PRICKLE2: variants seen among roughly 807,000 people sequenced by gnomAD.
PRICKLE2 encodes the protein prickle-like protein 2.
A neutral mutation model predicts 81.4 loss-of-function variants in PRICKLE2; 21 were observed. The ratio of observed to expected loss-of-function variants is 0.26; its 90% confidence interval spans 0.18 to 0.37. PRICKLE2 has a LOEUF of 0.37. PRICKLE2 is among the 10% of genes least tolerant of loss of function. PRICKLE2 has a pLI of 1.00. For missense variants in PRICKLE2, 940 were observed against 1,109.0 expected (o/e 0.85, Z 2.16); for synonymous variants, 456 against 421.5 (o/e 1.08, Z -1.00).
At chr3:64,217,237 GC>G (rs2078886362) in intron 1 of PRICKLE2, among the ~76,000 whole-genome samples, 2 of 152,112 alleles carry the variant, frequency 1.3e-5, no homozygotes, top group Non-Finnish European at 2.9e-5. Flanking sequence ...AGGGACAGGA[GC>G]CCTAAGGTAT....
chr3:64,190,686 T>C (rs940625663), intron 2 of PRICKLE2, among the ~76,000 whole-genome samples: 1 of 152,228 alleles, frequency 6.6e-6, no homozygotes, highest in Non-Finnish European at 1.5e-5. Context: ...AGTGGAATGC[T>C]GCCAAGAAGC....
intron 7 of PRICKLE2, among the ~76,000 whole-genome samples, chr3:64,121,225 C>T (rs577965454): frequency 4.2e-4 from 64 of 152,290 alleles, no homozygotes; most frequent in African/African-American, 1.5e-3. Flanking sequence ...GGAAGCCTTT[C>T]CAAACTATCC....
At chr3:64,165,077 G>A (rs1437973847) in intron 2 of PRICKLE2, among the ~76,000 whole-genome samples, 3 of 152,144 alleles carry the variant, frequency 2.0e-5, no homozygotes, top group Non-Finnish European at 2.9e-5. Flanking sequence ...GAACATTAGG[G>A]ACAATTGCTA....
chr3:64,181,444 T>C (rs1357516156), intron 2 of PRICKLE2, among the ~76,000 whole-genome samples: 1 of 152,204 alleles, frequency 6.6e-6, no homozygotes, highest in Non-Finnish European at 1.5e-5. Context: ...GTTAGGTGGT[T>C]AGCCAACAAC....
chr3:64,220,417 C>T (rs2078933500), intron 1 of PRICKLE2, among the ~76,000 whole-genome samples: 1 of 152,216 alleles, frequency 6.6e-6, no homozygotes, highest in Non-Finnish European at 1.5e-5. Flanking sequence ...CCACCTATCA[C>T]TCGAGGCAGG....
rs933209597 is a variant in PRICKLE2 at position 64,239,164 on chromosome 3, G to A, written c.129-40197C>T. On this transcript the variant is annotated intron_variant, in intron 2 of 8. Transcript: ENST00000295902. ...TCACAGCCGGCTCCACACACCACAG[G>A]GCGAGGTAGCAGCCTCTGACTCATC... Among the ~76,000 whole-genome samples, 11 of 152,164 alleles carry A rather than the reference G, an allele frequency of 7.2e-5. No homozygotes were observed. The South Asian group carries it at 8.3e-4, about 11-fold the overall frequency.
intron 2 of PRICKLE2, among the ~76,000 whole-genome samples, chr3:64,251,391 C>T (rs1397261493): frequency 2.0e-5 from 3 of 152,196 alleles, no homozygotes; most frequent in South Asian, 2.1e-4. Context: ...ATGTCCTCTC[C>T]CACTCCCCCA....
At chr3:64,113,628 C>G (rs909136102) in intron 7 of PRICKLE2, among the ~76,000 whole-genome samples, 6 of 152,192 alleles carry the variant, frequency 3.9e-5, no homozygotes, top group African/African-American at 1.4e-4. Flanking sequence ...GCCCTGCCAG[C>G]ACACTGGAGT....
chr3:64,146,720 G>A (rs2077460155), intron 7 of PRICKLE2, 110 bp downstream of exon 7: 2 of 1,241,008 alleles, frequency 1.6e-6, no homozygotes, highest in East Asian at 2.3e-5. Flanking sequence ...TCCAGCCTGG[G>A]GGACAGAGCG....
At chr3:64,238,787 G>C (rs9311885) in intron 2 of PRICKLE2, among the ~76,000 whole-genome samples, 1,540 of 152,286 alleles carry the variant, frequency 0.01, 21 homozygotes, top group African/African-American at 0.035. Context: ...ATGAGGTAAT[G>C]CAGGTAAAAT....
At chr3:64,159,125 C>T (rs879913265) in intron 4 of PRICKLE2, among the ~76,000 whole-genome samples, 5 of 152,158 alleles carry the variant, frequency 3.3e-5, no homozygotes, top group Admixed American at 1.3e-4. Context: ...TCAACAGGAG[C>T]AGAGGAGACA....
At chr3:64,239,946 C>G (rs573855087) in intron 2 of PRICKLE2, among the ~76,000 whole-genome samples, 2 of 119,420 alleles carry the variant, frequency 1.7e-5, no homozygotes, top group Admixed American at 9.0e-5. Flanking sequence ...AAAACCCCAT[C>G]GCTACCAAAA....
chr3:64,142,619 A>G (rs1050233927), intron 7 of PRICKLE2, among the ~76,000 whole-genome samples: 2 of 152,146 alleles, frequency 1.3e-5, no homozygotes, highest in African/African-American at 4.8e-5. Context: ...CCCATGCAGG[A>G]GTATTTTCAA....
At chr3:64,114,111 C>T (rs961930595) in intron 7 of PRICKLE2, among the ~76,000 whole-genome samples, 3 of 151,980 alleles carry the variant, frequency 2.0e-5, no homozygotes, top group African/African-American at 7.3e-5. Context: ...TGGGTGTTGG[C>T]CCCCTAAAAT....
At chr3:64,110,102 T>TG (rs1431599674) in intron 7 of PRICKLE2, among the ~76,000 whole-genome samples, 1 of 152,218 alleles carries the variant, frequency 6.6e-6, no homozygotes, top group African/African-American at 2.4e-5. Flanking sequence ...CTCAGCTCCA[T>TG]GGGGGATTCT....
chr3:64,105,815 G>A (rs574027700), intron 7 of PRICKLE2: 2 of 152,378 alleles, frequency 1.3e-5, no homozygotes, highest in South Asian at 4.1e-4. Flanking sequence ...CAGAACTGGA[G>A]AGCTACTTTC....
intron 2 of PRICKLE2, among the ~76,000 whole-genome samples, chr3:64,179,188 T>G (rs1457021524): frequency 6.6e-6 from 1 of 152,040 alleles, no homozygotes; most frequent in African/African-American, 2.4e-5. Context: ...GTGATTCTCC[T>G]GCCTCAGCCT....
intron 7 of PRICKLE2, among the ~76,000 whole-genome samples, chr3:64,131,991 A>T (rs2077203884): frequency 6.6e-6 from 1 of 152,202 alleles, no homozygotes; most frequent in Admixed American, 6.5e-5. Context: ...GACAACTATA[A>T]TCTCAACACA....
intron 7 of PRICKLE2, among the ~76,000 whole-genome samples, chr3:64,143,023 C>CA (rs2077388183): frequency 6.6e-6 from 1 of 152,012 alleles, no homozygotes; most frequent in African/African-American, 2.4e-5. Context: ...ATTAGAAAGA[C>CA]AAAAAATTAG....
Sources: gnomAD v4.1 joint callset for allele counts (sites outside exome capture counted in the v4.1 genomes callset) on GRCh38, gnomAD v4.1.1 for gene constraint, MANE v1.5 for transcripts, NCBI Gene and HGNC (gene_info 2026-07-23, HGNC 2026-07-21) for gene names.